The following PUM2 variants were observed in gnomAD, a reference collection of about 807,000 sequenced individuals.
The protein encoded by PUM2 is pumilio RNA binding family member 2.
Under a neutral mutation model 124.5 loss-of-function variants are expected in PUM2, and 57 were observed. The observed-to-expected ratio is 0.46, with a 90% CI of 0.37 to 0.57. PUM2 has a LOEUF of 0.57. Ranked by LOEUF, PUM2 falls within the 20% of genes least tolerant of loss-of-function variation. The pLI, the probability that PUM2 is intolerant of heterozygous loss-of-function variation, is 0.00. For synonymous variants in PUM2, 460 were observed against 446.1 expected, an observed-to-expected ratio of 1.03 and a Z score of -0.39; for missense variants, 1,065 against 1,290.6, an observed-to-expected ratio of 0.83 and a Z score of 2.68.
In PUM2 at chr2:20,283,397, C is replaced by A. The variant is rs755598717; in HGVS notation, c.1381G>T (p.Val461Phe). Residue 461 changes from valine to phenylalanine, a missense_variant, in exon 11 of 21, where the codon GTT becomes TTT. Coordinates refer to ENST00000361078, the MANE Select transcript of PUM2 (RefSeq NM_015317.5). ...PGARTGLGAP[V>F]RLMAPTPVLI... ...ACAGGTGTTGGAGCCATTAACCGAA[C>A]TGGAGCTCCAAGGCCAGTCCTTGCT... 6 of 1,614,122 alleles carry A rather than the reference C, an allele frequency of 3.7e-6. No individual in the cohort carries two copies. The East Asian group carries it at 1.1e-4, about 30-fold the overall frequency.
intron 20 of PUM2, among the ~76,000 whole-genome samples, chr2:20,252,773 T>C (rs1663762739): frequency 6.6e-6 from 1 of 152,110 alleles, no homozygotes; most frequent in African/African-American, 2.4e-5. Context: ...CTTAGAAAAA[T>C]GTATTAGGTT....
Position 20,263,432 on chromosome 2 carries a change from A to C in PUM2, c.1986T>G (p.Tyr662Ter). The C allele has an allele frequency of 6.2e-7, 1 of 1,613,410 alleles. No homozygotes were observed. The highest frequency in any genetic ancestry group is 8.5e-7 in the Non-Finnish European group (1 of 1,179,338). ...LGGLTNGSGR[Y>*]ISAAPGAEAK... Reference sequence around the variant, plus strand: ...CTTCTGCTCCAGGTGCTGCAGAGATATATCGACCACTACCATTTGTCAGTC... The same window carrying C: ...CTTCTGCTCCAGGTGCTGCAGAGATCTATCGACCACTACCATTTGTCAGTC... Residue 662 changes from tyrosine (Y) to a stop codon, truncating the protein, a stop_gained, in exon 14 of 21, where the codon TAT becomes TAG. Transcript: ENST00000361078. LOFTEE classifies it high-confidence loss of function.
intron 20 of PUM2, among the ~76,000 whole-genome samples, chr2:20,252,067 C>T (rs940351822): frequency 1.3e-5 from 2 of 152,074 alleles, no homozygotes; most frequent in Non-Finnish European, 2.9e-5. Context: ...AACAATTAAA[C>T]AATTAGGGAG....
chr2:20,312,562 C>A (rs1158627988), intron 3 of PUM2, 139 bp from the exon 4 acceptor site: 1 of 770,566 alleles, frequency 1.3e-6, no homozygotes, highest in Non-Finnish European at 2.0e-6. Context: ...ATATAAAGCT[C>A]TTCATAGGAC....
intron 1 of PUM2, among the ~76,000 whole-genome samples, chr2:20,339,159 G>C (rs1331744783): frequency 1.3e-5 from 2 of 151,866 alleles, no homozygotes; most frequent in Non-Finnish European, 2.9e-5. Flanking sequence ...GTATGAGCAA[G>C]ACTAGATTTT....
chr2:20,250,159 C>A lies in PUM2; in HGVS notation c.*1426G>T, dbSNP rs544403091. ...CCAATACTTTCTATTATGCACAATA[C>A]CCTGACTTCAATTGAAAGTGATCCA... is the stretch of plus-strand genomic sequence containing the variant. On this transcript the variant is annotated 3_prime_UTR_variant, in exon 21 of 21. Coordinates refer to ENST00000361078, the MANE Select transcript of PUM2 (RefSeq NM_015317.5). 3.3e-5 allele frequency: 5 copies of A among 152,580 alleles called. No individual in the cohort carries two copies. The highest frequency in any genetic ancestry group is 5.9e-5 in the Non-Finnish European group (4 of 68,016). 9.5% of individuals were successfully genotyped at this position (152,580 alleles called of 1,614,324 possible).
At chr2:20,290,592 G>A (rs1673808016) in intron 10 of PUM2, 60 bp downstream of exon 10, 2 of 1,476,684 alleles carry the variant, frequency 1.4e-6, no homozygotes, top group East Asian at 4.8e-5. Flanking sequence ...TCTTCAGTGT[G>A]AGTACCTACA....
intron 3 of PUM2, among the ~76,000 whole-genome samples, chr2:20,316,045 G>A (rs1021629360): frequency 1.3e-5 from 2 of 151,984 alleles, no homozygotes; most frequent in African/African-American, 4.8e-5. Flanking sequence ...TTAAAATTAT[G>A]AGTCTAACCT....
chr2:20,252,348 C>T (rs1346074173), intron 20 of PUM2, among the ~76,000 whole-genome samples: 2 of 152,098 alleles, frequency 1.3e-5, no homozygotes, highest in African/African-American at 4.8e-5. Flanking sequence ...GAAGTTGAGG[C>T]TAGAGTTAGC....
At chr2:20,309,162 T>C (rs1679036621) in intron 5 of PUM2, among the ~76,000 whole-genome samples, 1 of 152,184 alleles carries the variant, frequency 6.6e-6, no homozygotes. Flanking sequence ...AAAGGCTGAC[T>C]TCTGACTTTG....
chr2:20,276,263 T>C (rs1000432366), intron 13 of PUM2, among the ~76,000 whole-genome samples: 2 of 151,590 alleles, frequency 1.3e-5, no homozygotes, highest in African/African-American at 4.8e-5. Flanking sequence ...GAAAACTTTT[T>C]TTTTTTTTTT....
At chr2:20,325,181 C>G (rs1683369788) in intron 2 of PUM2, among the ~76,000 whole-genome samples, 1 of 152,170 alleles carries the variant, frequency 6.6e-6, no homozygotes, top group South Asian at 2.1e-4. Flanking sequence ...ACAGAAATCT[C>G]AGTAGGTTTT....
At chr2:20,257,943 C>G (rs1013192680) in intron 16 of PUM2, among the ~76,000 whole-genome samples, 2 of 152,070 alleles carry the variant, frequency 1.3e-5, no homozygotes, top group African/African-American at 4.8e-5. Flanking sequence ...AAAATAAGCA[C>G]TGGAAAATAG....
chr2:20,316,868 G>A (rs546133050), intron 3 of PUM2, among the ~76,000 whole-genome samples: 4 of 152,160 alleles, frequency 2.6e-5, no homozygotes, highest in South Asian at 2.1e-4. Flanking sequence ...CCATCTTTAC[G>A]AAAAATATGA....
chr2:20,317,066 G>A (rs2148693552), intron 3 of PUM2, among the ~76,000 whole-genome samples: 1 of 152,076 alleles, frequency 6.6e-6, no homozygotes, highest in South Asian at 2.1e-4. Flanking sequence ...ATGTGATGGT[G>A]TGAGCCTGTA....
At chr2:20,252,052 C>T (rs1663510042) in intron 20 of PUM2, among the ~76,000 whole-genome samples, 1 of 152,112 alleles carries the variant, frequency 6.6e-6, no homozygotes, top group Admixed American at 6.5e-5. Context: ...CAAAGCACTA[C>T]TTATAACAAT....
In PUM2 at chr2:20,350,672, C is replaced by G; in HGVS notation, c.-94G>C. 1 of 985,012 alleles carries G rather than the reference C, an allele frequency of 1.0e-6. No homozygotes were observed. Among genetic ancestry groups the G allele is most frequent in the Non-Finnish European group, 1.2e-6 (1 of 829,582 alleles). The allele number at this position is 985,012 out of a possible 1,614,324, so 61.0% of individuals were successfully genotyped here. A position where few individuals can be genotyped will look rare whatever the true frequency, so the allele number is the denominator to read the frequency against. On this transcript the variant is annotated 5_prime_UTR_variant, in exon 1 of 21. Coordinates refer to ENST00000361078, the MANE Select transcript of PUM2 (RefSeq NM_015317.5). ...CACGGCGGCGTCGCTCTTGGCGGTCCTCCCCCTCCTCCGCCTTCGGTGGCG... is the reference window on the plus strand; with the variant it reads ...CACGGCGGCGTCGCTCTTGGCGGTCGTCCCCCTCCTCCGCCTTCGGTGGCG...
chr2:20,307,322 A>G (rs1402863472), intron 7 of PUM2, among the ~76,000 whole-genome samples: 2 of 152,164 alleles, frequency 1.3e-5, no homozygotes, highest in Admixed American at 6.5e-5. Context: ...CCTTCCATAG[A>G]CTCTGATGTT....
intron 3 of PUM2, among the ~76,000 whole-genome samples, chr2:20,317,927 T>A (rs755337877): frequency 4.6e-5 from 7 of 152,202 alleles, no homozygotes; most frequent in Non-Finnish European, 1.0e-4. Context: ...ATTTTCTTTA[T>A]CCACCCTAGT....
Sources: gnomAD v4.1 joint callset for allele counts (sites outside exome capture counted in the v4.1 genomes callset) on GRCh38, gnomAD v4.1.1 for gene constraint, MANE v1.5 for transcripts, NCBI Gene and HGNC (gene_info 2026-07-23, HGNC 2026-07-21) for gene names.